NRXN3: variants seen among roughly 807,000 people sequenced by gnomAD.
NRXN3 encodes neurexin 3.
A neutral mutation model predicts 137.6 loss-of-function variants in NRXN3; 32 were observed. That is an observed-to-expected ratio of 0.23 (90% confidence interval 0.18 to 0.31). The LOEUF is 0.31. Among genes scored for constraint, NRXN3 ranks in the 10% least tolerant of loss-of-function variants. The pLI, the probability that NRXN3 is intolerant of heterozygous loss-of-function variation, is 1.00. For synonymous variants in NRXN3, 798 were observed against 784.5 expected (o/e 1.02, Z -0.29); for missense variants, 1,574 against 2,062.5 (o/e 0.76, Z 4.59).
chr14:78,715,148 G>T lies in NRXN3; in HGVS notation c.2044+9G>T. ...AAGAACCTGCGAAAGGGGTGAGTCG[G>T]CCTAGAGGATGGCAAGTGAGGGCCT... On this transcript the variant is annotated intron_variant, in intron 8 of 20. Coordinates refer to ENST00000335750, the MANE Select transcript of NRXN3 (RefSeq NM_001330195.2). 1.9e-6 allele frequency: 3 copies of T among 1,599,314 alleles called. No individual in the cohort carries two copies.
At chr14:78,776,733 C>T (rs2098746053) in intron 8 of NRXN3, among the ~76,000 whole-genome samples, 1 of 152,162 alleles carries the variant, frequency 6.6e-6, no homozygotes, top group South Asian at 2.1e-4. Context: ...TTGTGACATG[C>T]TCCATGAAGG....
At position 79,811,157 on chromosome 14, in the gene NRXN3, A is replaced by G. The variant is rs538750457; in HGVS notation, c.4093+5967A>G. 2.6e-5 allele frequency among the ~76,000 whole-genome samples: 4 copies of G among 152,326 alleles called. No individual in the cohort carries two copies. The East Asian group carries it at 5.8e-4, about 22-fold the overall frequency. ...AATGTCCAAGTAAAATCTCATAGGAATGTTGGAGTATGACAGATCTATAAA... is the reference window on the plus strand; with the variant it reads ...AATGTCCAAGTAAAATCTCATAGGAGTGTTGGAGTATGACAGATCTATAAA... On this transcript the variant is annotated intron_variant, in intron 20 of 20. Coordinates refer to ENST00000335750, the MANE Select transcript of NRXN3 (RefSeq NM_001330195.2).
intron 15 of NRXN3, among the ~76,000 whole-genome samples, chr14:79,438,652 A>G (rs549372680): frequency 1.4e-4 from 22 of 152,318 alleles, no homozygotes; most frequent in African/African-American, 4.6e-4. Flanking sequence ...AGTAACTTCT[A>G]GTTTTTACCT....
chr14:78,982,321 C>A (rs1481549855), intron 14 of NRXN3, among the ~76,000 whole-genome samples: 1 of 152,004 alleles, frequency 6.6e-6, no homozygotes, highest in Non-Finnish European at 1.5e-5. Flanking sequence ...ATACCAAATA[C>A]AATATCAGAA....
intron 6 of NRXN3, among the ~76,000 whole-genome samples, chr14:78,702,283 C>T (rs188200859): frequency 2.9e-5 from 4 of 136,550 alleles, no homozygotes; most frequent in African/African-American, 7.4e-5. Flanking sequence ...TTTATAAATA[C>T]ATATATGAAG....
intron 16 of NRXN3, among the ~76,000 whole-genome samples, chr14:79,594,939 G>A (rs2097846558): frequency 6.6e-6 from 1 of 151,632 alleles, no homozygotes; most frequent in Non-Finnish European, 1.5e-5. Flanking sequence ...TTTTTCACAT[G>A]TTAGGCAATT....
intron 15 of NRXN3, among the ~76,000 whole-genome samples, chr14:79,388,609 C>T (rs1271393539): frequency 6.6e-6 from 1 of 152,092 alleles, no homozygotes; most frequent in Non-Finnish European, 1.5e-5. Flanking sequence ...TCACAGCCCT[C>T]GACTCATGCT....
chr14:78,759,802 G>A (rs1262559441), intron 8 of NRXN3, among the ~76,000 whole-genome samples: 3 of 152,186 alleles, frequency 2.0e-5, no homozygotes, highest in Admixed American at 6.5e-5. Flanking sequence ...GAAAGGTGTA[G>A]GGCCTGGTAA....
rs150045331 is a variant in NRXN3 at position 79,783,406 on chromosome 14, A to C, written c.4015-21706A>C. Among the ~76,000 whole-genome samples, 173 of 152,272 alleles carry C rather than the reference A, an allele frequency of 1.1e-3. 1 individual carries two copies. Among genetic ancestry groups the C allele is most frequent in the African/African-American group, 3.4e-3 (142 of 41,546 alleles). On this transcript the variant is annotated intron_variant, in intron 19 of 20. Coordinates refer to ENST00000335750, the MANE Select transcript of NRXN3 (RefSeq NM_001330195.2). ...TATGAATCAGGTGAGCATTTTTAGA[A>C]AAGAGAGAGCTTGATTTACAATGGA...
At chr14:78,306,691 A>G (rs2077403884) in intron 4 of NRXN3, among the ~76,000 whole-genome samples, 1 of 152,148 alleles carries the variant, frequency 6.6e-6, no homozygotes, top group African/African-American at 2.4e-5. Flanking sequence ...TGTAGTTGCC[A>G]TTTGTAGGTG....
At chr14:78,266,310 T>C (rs2071695449) in intron 2 of NRXN3, among the ~76,000 whole-genome samples, 1 of 151,918 alleles carries the variant, frequency 6.6e-6, no homozygotes, top group African/African-American at 2.4e-5. Context: ...CTTTCTTTCT[T>C]TTTTTTTGAG....
rs10539564 is a variant in NRXN3 at position 79,738,315 on chromosome 14, C to CCACACACACACACA, written c.4014+40405_4014+40418dup. ...TGAGGCAGAGGGGGCATTTCCCCCG[C>CCACACACACACACA]CACACACACACACACACACACACAC... On this transcript the variant is annotated intron_variant, in intron 19 of 20. Coordinates refer to ENST00000335750, the MANE Select transcript of NRXN3 (RefSeq NM_001330195.2). 5.5e-3 allele frequency among the ~76,000 whole-genome samples: 761 copies of CCACACACACACACA among 138,022 alleles called. 4 individuals carry two copies. The highest frequency in any genetic ancestry group is 0.012 in the African/African-American group (444 of 36,290). The allele number at this position is 138,022 out of a possible 152,430, so 90.5% of individuals were successfully genotyped here.
At chr14:78,930,582 C>A (rs147390455) in intron 10 of NRXN3, among the ~76,000 whole-genome samples, 1 of 152,174 alleles carries the variant, frequency 6.6e-6, no homozygotes, top group Non-Finnish European at 1.5e-5. Flanking sequence ...GCAAATAATT[C>A]ACTTAAGCTA....
chr14:78,434,040 A>G (rs373483195), intron 4 of NRXN3, among the ~76,000 whole-genome samples: 1 of 152,228 alleles, frequency 6.6e-6, no homozygotes, highest in African/African-American at 2.4e-5. Context: ...CATGCTCAGA[A>G]CCCTTATGTT....
At chr14:79,665,158 G>A (rs1219591612) in intron 17 of NRXN3, among the ~76,000 whole-genome samples, 1 of 152,078 alleles carries the variant, frequency 6.6e-6, no homozygotes, top group African/African-American at 2.4e-5. Flanking sequence ...AAGTATCTGC[G>A]CTGTTGGGTT....
At chr14:78,907,397 C>G (rs2099221292) in intron 10 of NRXN3, among the ~76,000 whole-genome samples, 1 of 151,938 alleles carries the variant, frequency 6.6e-6, no homozygotes, top group Non-Finnish European at 1.5e-5. Flanking sequence ...GGGATAGAGT[C>G]TAAAGGGGAA....
intron 15 of NRXN3, among the ~76,000 whole-genome samples, chr14:79,002,122 G>A (rs2099542609): frequency 6.6e-6 from 1 of 152,010 alleles, no homozygotes; most frequent in Non-Finnish European, 1.5e-5. Flanking sequence ...TGGGTCGTAG[G>A]GTTACTGGGA....
At chr14:78,562,319 C>T (rs1489101376) in intron 4 of NRXN3, among the ~76,000 whole-genome samples, 1 of 150,644 alleles carries the variant, frequency 6.6e-6, no homozygotes, top group African/African-American at 2.5e-5. Context: ...ATCGCTTGAA[C>T]CCAGAAGGCG....
In NRXN3 at chr14:79,467,334, G is replaced by T; in HGVS notation, c.3376G>T (p.Val1126Leu). 1 of 1,613,694 alleles carries T rather than the reference G, an allele frequency of 6.2e-7. No individual in the cohort carries two copies. Among genetic ancestry groups the T allele is most frequent in the Non-Finnish European group, 8.5e-7 (1 of 1,179,570 alleles). ...CCTTGCCGTGGGCTTCAGCACCACT[G>T]TGAAGGATGGCATCTTGGTCCGCAT... ...DRLAVGFSTTVKDGILVRIDS... is the reference protein window; with the variant it reads ...DRLAVGFSTTLKDGILVRIDS... The change falls in exon 16 of 21, where the codon GTG becomes TTG. Residue 1126 changes from valine (V) to leucine (L), a missense_variant. Val to Leu is a conservative substitution (Grantham distance 32). Coordinates refer to ENST00000335750, the MANE Select transcript of NRXN3 (RefSeq NM_001330195.2).
Sources: gnomAD v4.1 joint callset for allele counts (sites outside exome capture counted in the v4.1 genomes callset) on GRCh38, gnomAD v4.1.1 for gene constraint, MANE v1.5 for transcripts, NCBI Gene and HGNC (gene_info 2026-07-23, HGNC 2026-07-21) for gene names.